KIAA0319: variants seen among roughly 807,000 people sequenced by gnomAD.
KIAA0319 encodes dyslexia-associated protein KIAA0319.
Under a neutral mutation model 108.4 loss-of-function variants are expected in KIAA0319, and 83 were observed. The observed-to-expected ratio is 0.77, with a 90% CI of 0.64 to 0.92. The LOEUF is 0.92. Among genes scored for constraint, KIAA0319 ranks in the 40% least tolerant of loss-of-function variants. The pLI is 0.00. For missense variants in KIAA0319, 1,195 were observed against 1,322.4 expected, an observed-to-expected ratio of 0.90 and a Z score of 1.49; for synonymous variants, 484 against 510.4, an observed-to-expected ratio of 0.95 and a Z score of 0.70.
rs1400606302 is a variant in KIAA0319 at position 24,566,649 on chromosome 6, T to G, written c.2240A>C (p.Gln747Pro). ...TLDGSRSTDDQRIVSYLWIRD... is the reference protein window; with the variant it reads ...TLDGSRSTDDPRIVSYLWIRD... The stretch of plus-strand genomic sequence containing the variant: ...GATCCACAGATAGGACACAATTCTT[T>G]GGTCATCAGTAGACCTTGAACCATC... Residue 747 changes from glutamine (Q) to proline (P), a missense_variant, in exon 14 of 21, where the codon CAA becomes CCA. By Grantham distance (76) the Gln-to-Pro change is moderately conservative. Transcript: ENST00000378214. 1 of 1,613,252 alleles carries G rather than the reference T, an allele frequency of 6.2e-7. No homozygotes were observed. Among genetic ancestry groups the G allele is most frequent in the South Asian group, 1.1e-5 (1 of 90,842 alleles).
chr6:24,601,440 C>T (rs530306529), intron 1 of KIAA0319, among the ~76,000 whole-genome samples: 26 of 152,240 alleles, frequency 1.7e-4, no homozygotes, highest in African/African-American at 6.3e-4. Flanking sequence ...TGGAAATAAA[C>T]GAGGACCAGT....
downstream of KIAA0319, among the ~76,000 whole-genome samples, chr6:24,543,866 C>T (rs1212937122): frequency 2.0e-5 from 3 of 152,220 alleles, no homozygotes; most frequent in Non-Finnish European, 4.4e-5. Flanking sequence ...CTGTTAATTG[C>T]AGAGAACCAC....
At chr6:24,628,507 G>A (rs1189113515) in intron 1 of KIAA0319, among the ~76,000 whole-genome samples, 3 of 151,992 alleles carry the variant, frequency 2.0e-5, no homozygotes, top group Non-Finnish European at 4.4e-5. Context: ...GGTTCTCACT[G>A]CAGTGCTTTT....
At chr6:24,582,214 G>T (rs1408919410) in intron 6 of KIAA0319, 35 bp downstream of exon 6, 2 of 1,164,508 alleles carry the variant, frequency 1.7e-6, no homozygotes, top group South Asian at 2.4e-5. Context: ...CCGTTACGCT[G>T]TGCTGTTAGA....
chr6:24,626,384 T>C (rs2127578594), intron 1 of KIAA0319, among the ~76,000 whole-genome samples: 1 of 152,174 alleles, frequency 6.6e-6, no homozygotes, highest in East Asian at 1.9e-4. Flanking sequence ...ATACAAAAAT[T>C]AGCTGAGTGT....
chr6:24,567,089 G>C (rs1441022650), intron 13 of KIAA0319, among the ~76,000 whole-genome samples: 1 of 151,932 alleles, frequency 6.6e-6, no homozygotes, highest in Non-Finnish European at 1.5e-5. Flanking sequence ...CAATATTTTG[G>C]TTTACAATAT....
At chr6:24,614,131 G>C (rs776777988) in intron 1 of KIAA0319, among the ~76,000 whole-genome samples, 9 of 152,184 alleles carry the variant, frequency 5.9e-5, no homozygotes, top group Non-Finnish European at 1.3e-4. Flanking sequence ...GGTTTCCTAA[G>C]ACTGTGATGA....
intron 6 of KIAA0319, among the ~76,000 whole-genome samples, chr6:24,581,256 T>A (rs1162562042): frequency 6.6e-6 from 1 of 151,902 alleles, no homozygotes; most frequent in Non-Finnish European, 1.5e-5. Context: ...GAGGCCTGGG[T>A]GAGATGGACC....
Position 24,568,847 on chromosome 6 carries a change from G to A in KIAA0319, c.2074C>T (p.Arg692Cys), listed in dbSNP as rs774632962. 1.5e-5 allele frequency: 24 copies of A among 1,614,010 alleles called. No individual in the cohort carries two copies. In the East Asian group the frequency reaches 3.6e-4, roughly 24 times the overall value. Residue 692 changes from arginine to cysteine, a missense_variant, in exon 13 of 21, where the codon CGT becomes TGT. Arg to Cys is a radical substitution (Grantham distance 180). Transcript: ENST00000378214. ...TGLQVGTYHF[R>C]LTVKDQQGLS... ...CCCTGCTGGTCTTTCACTGTCAAAC[G>A]GAAGTGGTAGGTCCCCACCTGGAGA...
chr6:24,601,114 A>C lies in KIAA0319; in HGVS notation c.-11T>G. 3 of 1,614,050 alleles carry C rather than the reference A, an allele frequency of 1.9e-6. No individual in the cohort carries two copies. Among genetic ancestry groups the C allele is most frequent in the Non-Finnish European group, 2.5e-6 (3 of 1,179,966 alleles). ...TGTGGGGGGCGCCATTGTGCACCAC[A>C]CAGTGGGTGATGGCAGGCTTCTGAG... On this transcript the variant is annotated 5_prime_UTR_variant, in exon 2 of 21. Transcript: ENST00000378214.
In KIAA0319 at chr6:24,633,119, A is replaced by G. The variant is rs144311022; in HGVS notation, c.-106+12617T>C. Among the ~76,000 whole-genome samples, 1,211 of 152,144 alleles carry G rather than the reference A, an allele frequency of 8.0e-3. 5 individuals carry two copies. The highest frequency in any genetic ancestry group is 0.012 in the Admixed American group (179 of 15,286). ...AAAGATAATACAAGATTTTTTTCAT[A>G]CTCAAACTCATCAAACTAATAAAAA... On this transcript the variant is annotated intron_variant, in intron 1 of 20. Coordinates refer to ENST00000378214, the MANE Select transcript of KIAA0319 (RefSeq NM_014809.4).
intron 1 of KIAA0319, among the ~76,000 whole-genome samples, chr6:24,635,812 T>C (rs1319979279): frequency 6.6e-6 from 1 of 150,414 alleles, no homozygotes; most frequent in Non-Finnish European, 1.5e-5. Context: ...TTGGCTCTAG[T>C]GAGACACAAA....
intron 6 of KIAA0319, among the ~76,000 whole-genome samples, chr6:24,581,654 A>G (rs1318656179): frequency 6.6e-6 from 1 of 152,184 alleles, no homozygotes; most frequent in African/African-American, 2.4e-5. Context: ...TTAACACTGC[A>G]AGGAGAGCAA....
At chr6:24,590,320 A>C (rs921365018) in intron 3 of KIAA0319, among the ~76,000 whole-genome samples, 1 of 152,040 alleles carries the variant, frequency 6.6e-6, no homozygotes, top group African/African-American at 2.4e-5. Flanking sequence ...AACAAGACGA[A>C]ATAATGAAAT....
chr6:24,557,118 T>C (rs1225647713), intron 17 of KIAA0319, among the ~76,000 whole-genome samples: 1 of 152,044 alleles, frequency 6.6e-6, no homozygotes, highest in Non-Finnish European at 1.5e-5. Flanking sequence ...AGCAGGAGAA[T>C]CACTTCAACC....
chr6:24,641,112 T>C (rs1185277008), intron 1 of KIAA0319, among the ~76,000 whole-genome samples: 1 of 152,240 alleles, frequency 6.6e-6, no homozygotes, highest in Admixed American at 6.5e-5. Context: ...TTCTTGTTTC[T>C]ACGAATTTGA....
chr6:24,614,485 A>G (rs564119960), intron 1 of KIAA0319, among the ~76,000 whole-genome samples: 8 of 152,266 alleles, frequency 5.3e-5, no homozygotes, highest in African/African-American at 1.9e-4. Context: ...TGTAATTCAC[A>G]TTTGTAAAAA....
chr6:24,574,298 G>A lies in KIAA0319; in HGVS notation c.1735-1600C>T, dbSNP rs188590878. On this transcript the variant is annotated intron_variant, in intron 10 of 20. Coordinates refer to ENST00000378214, the MANE Select transcript of KIAA0319 (RefSeq NM_014809.4). ...AAAAAACCACAAAAATTAGCCAGGT[G>A]TAGTGGTGTGTGCCTGTGGTCCTAG... 3.4e-3 allele frequency among the ~76,000 whole-genome samples: 522 copies of A among 152,074 alleles called. 2 individuals are homozygous for A. Among genetic ancestry groups the A allele is most frequent in the African/African-American group, 0.012 (487 of 41,478 alleles).
intron 3 of KIAA0319, among the ~76,000 whole-genome samples, chr6:24,591,012 G>A (rs1392926761): frequency 6.6e-6 from 1 of 152,136 alleles, no homozygotes; most frequent in Non-Finnish European, 1.5e-5. Flanking sequence ...TTGTTTCTAT[G>A]TTCTCTACTC....
Sources: allele counts gnomAD v4.1 joint callset (sites outside exome capture counted in the v4.1 genomes callset), GRCh38; gene constraint gnomAD v4.1.1; transcripts MANE v1.5; gene names NCBI Gene and HGNC (gene_info 2026-07-23, HGNC 2026-07-21).